The following DNAJC24 variants were observed in gnomAD, a reference collection of about 807,000 sequenced individuals.
DNAJC24 encodes DnaJ heat shock protein family (Hsp40) member C24.
DNAJC24 carries 17 observed loss-of-function variants against 18.0 expected under a neutral mutation model. The ratio of observed to expected loss-of-function variants is 0.94; its 90% CI spans 0.65 to 1.42. DNAJC24 has a LOEUF of 1.42. Ranked by LOEUF, DNAJC24 falls within the 40% of genes most tolerant of loss-of-function variation. DNAJC24 has a pLI of 0.00. For synonymous variants in DNAJC24, 55 were observed against 57.7 expected, an observed-to-expected ratio of 0.95 and a Z score of 0.21; for missense variants, 158 against 175.6, an observed-to-expected ratio of 0.90 and a Z score of 0.57.
chr11:31,426,273 T>G lies in DNAJC24; in HGVS notation c.251-14T>G, dbSNP rs759855692. 2.2e-5 allele frequency: 33 copies of G among 1,488,310 alleles called. No individual in the cohort carries two copies. The highest frequency in any genetic ancestry group is 3.0e-5 in the Non-Finnish European group (33 of 1,090,030). The allele number at this position is 1,488,310 out of a possible 1,614,324, so 92.2% of individuals were successfully genotyped here. On this transcript the variant is annotated splice_polypyrimidine_tract_variant and intron_variant, in intron 3 of 4. Coordinates refer to ENST00000465995, the MANE Select transcript of DNAJC24 (RefSeq NM_181706.5). ...CATGTTTTACAATTAAGTGTCATGT[T>G]TTATGTTTTACAGAAGATGATCTAA...
At chr11:31,421,452 G>A (rs1056699751) in intron 3 of DNAJC24, among the ~76,000 whole-genome samples, 2 of 152,102 alleles carry the variant, frequency 1.3e-5, no homozygotes, top group South Asian at 2.1e-4. Flanking sequence ...TCGTGGGGAT[G>A]TGATGATCAT....
intron 2 of DNAJC24, among the ~76,000 whole-genome samples, chr11:31,382,441 G>A (rs915697501): frequency 6.6e-6 from 1 of 152,096 alleles, no homozygotes; most frequent in Non-Finnish European, 1.5e-5. Context: ...TAGAAATTAT[G>A]TACAAGATGC....
At chr11:31,422,956 T>G (rs903242799) in intron 3 of DNAJC24, among the ~76,000 whole-genome samples, 1 of 152,204 alleles carries the variant, frequency 6.6e-6, no homozygotes, top group Admixed American at 6.5e-5. Context: ...TTTACTTGTG[T>G]GTACCACGTC....
chr11:31,377,745 C>G (rs190553873), intron 2 of DNAJC24, among the ~76,000 whole-genome samples: 83 of 152,150 alleles, frequency 5.5e-4, no homozygotes, highest in African/African-American at 1.9e-3. Context: ...AAATTGAGAA[C>G]TGGGGGTCTT....
intron 2 of DNAJC24, among the ~76,000 whole-genome samples, chr11:31,411,099 CTG>C (rs1952704466): frequency 6.6e-6 from 1 of 152,072 alleles, no homozygotes; most frequent in African/African-American, 2.4e-5. Context: ...AGGAAAATGA[CTG>C]TGGTCTTTTA....
Position 31,431,848 on chromosome 11 carries a change from T to C in DNAJC24, c.*1447T>C, listed in dbSNP as rs1039311252. 6.6e-6 allele frequency: 1 copy of C among 151,924 alleles called. No homozygotes were observed. Among genetic ancestry groups the C allele is most frequent in the Non-Finnish European group, 1.5e-5 (1 of 67,956 alleles). 9.4% of individuals were successfully genotyped at this position (151,924 alleles called of 1,614,324 possible). On this transcript the variant is annotated 3_prime_UTR_variant, in exon 5 of 5. Transcript: ENST00000465995. ...AAAATAAAATAAATAAAAAAAGATA[T>C]AGTATTAATGCCTGTATTTATGAAG...
At chr11:31,391,747 T>G (rs1952498566) in intron 2 of DNAJC24, among the ~76,000 whole-genome samples, 1 of 152,180 alleles carries the variant, frequency 6.6e-6, no homozygotes, top group Non-Finnish European at 1.5e-5. Context: ...CAAATCCCAC[T>G]GCTAGATATA....
chr11:31,431,467 A>C lies in DNAJC24; in HGVS notation c.*1066A>C, dbSNP rs182486864. 1 of 151,576 alleles carries C rather than the reference A, an allele frequency of 6.6e-6. No individual in the cohort carries two copies. The highest frequency in any genetic ancestry group is 2.0e-4 in the East Asian group (1 of 5,046). The allele number at this position is 151,576 out of a possible 1,614,324, so 9.4% of individuals were successfully genotyped here. A position where few individuals can be genotyped will look rare whatever the true frequency, so the allele number is the denominator to read the frequency against. ...TGCCTGGCCAGAAGCTTTTTTAAAA[A>C]TAATGACTTGGAAGTTGGTGCATTA... is the stretch of plus-strand genomic sequence containing the variant. On this transcript the variant is annotated 3_prime_UTR_variant, in exon 5 of 5. Coordinates refer to ENST00000465995, the MANE Select transcript of DNAJC24 (RefSeq NM_181706.5).
intron 3 of DNAJC24, among the ~76,000 whole-genome samples, chr11:31,423,676 AT>A (rs1460727611): frequency 6.6e-6 from 1 of 152,084 alleles, no homozygotes; most frequent in South Asian, 2.1e-4. Context: ...AGTGTGTTAT[AT>A]TTTTTTGTCA....
intron 2 of DNAJC24, among the ~76,000 whole-genome samples, chr11:31,413,243 T>G (rs1364511523): frequency 3.3e-5 from 5 of 151,936 alleles, no homozygotes; most frequent in Non-Finnish European, 7.4e-5. Context: ...AAAAAAACTA[T>G]TCTACATTAA....
At chr11:31,403,601 A>T (rs1952623819) in intron 2 of DNAJC24, among the ~76,000 whole-genome samples, 1 of 152,206 alleles carries the variant, frequency 6.6e-6, no homozygotes, top group Non-Finnish European at 1.5e-5. Flanking sequence ...TCCCATGGGC[A>T]TGACTTCCTC....
intron 2 of DNAJC24, among the ~76,000 whole-genome samples, chr11:31,389,854 G>A (rs1952471081): frequency 6.6e-6 from 1 of 152,066 alleles, no homozygotes; most frequent in Non-Finnish European, 1.5e-5. Flanking sequence ...CAATAACAAG[G>A]AATTTTGGAA....
At chr11:31,376,095 G>A (rs763914088) in intron 2 of DNAJC24, among the ~76,000 whole-genome samples, 1 of 106,422 alleles carries the variant, frequency 9.4e-6, no homozygotes, top group Non-Finnish European at 2.5e-5. Flanking sequence ...CCTCATGGTA[G>A]TGAATAAGTC....
chr11:31,378,793 T>C (rs1309133060), intron 2 of DNAJC24, among the ~76,000 whole-genome samples: 1 of 152,156 alleles, frequency 6.6e-6, no homozygotes, highest in Non-Finnish European at 1.5e-5. Context: ...GAAATTACAC[T>C]AGAAACTTGG....
intron 2 of DNAJC24, among the ~76,000 whole-genome samples, chr11:31,414,570 A>G (rs1952736857): frequency 6.6e-6 from 1 of 152,186 alleles, no homozygotes; most frequent in Non-Finnish European, 1.5e-5. Context: ...CAAATTATCC[A>G]GAAAATGCTG....
intron 2 of DNAJC24, among the ~76,000 whole-genome samples, chr11:31,387,216 C>A (rs1017204719): frequency 6.6e-6 from 1 of 152,190 alleles, no homozygotes; most frequent in African/African-American, 2.4e-5. Flanking sequence ...GAATTCAACA[C>A]CTGCTAATTA....
intron 2 of DNAJC24, among the ~76,000 whole-genome samples, chr11:31,381,640 T>A (rs1220981554): frequency 6.6e-6 from 1 of 151,782 alleles, no homozygotes; most frequent in Non-Finnish European, 1.5e-5. Flanking sequence ...AGGGATGTTA[T>A]CTCAGCTCAT....
At chr11:31,370,682 A>G in intron 1 of DNAJC24, 34 bp from the exon 2 acceptor site, 1 of 1,089,392 alleles carries the variant, frequency 9.2e-7, no homozygotes, top group Non-Finnish European at 1.3e-6. Flanking sequence ...TACATGGCAA[A>G]CTGTGATGAA....
chr11:31,418,761 G>A (rs926977482), intron 3 of DNAJC24, among the ~76,000 whole-genome samples: 6 of 152,030 alleles, frequency 3.9e-5, no homozygotes, highest in African/African-American at 1.2e-4. Context: ...GTGTGCCTTT[G>A]CTCAAAGCTA....
Sources: gnomAD v4.1 joint callset for allele counts (sites outside exome capture counted in the v4.1 genomes callset) on GRCh38, gnomAD v4.1.1 for gene constraint, MANE v1.5 for transcripts, NCBI Gene and HGNC (gene_info 2026-07-23, HGNC 2026-07-21) for gene names.